The following SPATA6 variants were observed in gnomAD, a reference collection of about 807,000 sequenced individuals.
SPATA6 encodes the protein spermatogenesis associated 6.
Under a neutral mutation model 65.3 loss-of-function variants are expected in SPATA6, and 56 were observed. That is an observed-to-expected ratio of 0.86 (90% CI 0.69 to 1.07). The LOEUF is 1.07. SPATA6 is among the 50% of genes least tolerant of loss of function. The pLI, the probability that SPATA6 is intolerant of heterozygous loss-of-function variation, is 0.00. For synonymous variants in SPATA6, 199 were observed against 213.2 expected (o/e 0.93, Z 0.58); for missense variants, 590 against 594.8 (o/e 0.99, Z 0.08).
chr1:48,314,219 C>A (rs958623423), intron 11 of SPATA6, among the ~76,000 whole-genome samples: 1 of 152,184 alleles, frequency 6.6e-6, no homozygotes, highest in Non-Finnish European at 1.5e-5. Context: ...ACTCTCCACC[C>A]CGAATCAACA....
chr1:48,404,964 A>G (rs1315872888), intron 5 of SPATA6, among the ~76,000 whole-genome samples: 1 of 152,224 alleles, frequency 6.6e-6, no homozygotes, highest in Non-Finnish European at 1.5e-5. Context: ...TTTCATTCTA[A>G]AACAGTAAAA....
chr1:48,438,054 C>A (rs929674325), intron 3 of SPATA6, among the ~76,000 whole-genome samples: 6 of 152,046 alleles, frequency 3.9e-5, no homozygotes, highest in African/African-American at 1.4e-4. Context: ...AAGGTGGCCA[C>A]CCCAGCCAGC....
chr1:48,377,386 GT>G (rs1398961405), intron 9 of SPATA6, among the ~76,000 whole-genome samples: 1 of 152,070 alleles, frequency 6.6e-6, no homozygotes, highest in Admixed American at 6.6e-5. Flanking sequence ...CAATATTTTA[GT>G]TGCTTAGCCA....
chr1:48,429,154 C>A (rs12031408), intron 3 of SPATA6, among the ~76,000 whole-genome samples: 11,768 of 151,746 alleles, frequency 0.078, 630 homozygotes, highest in East Asian at 0.2. Flanking sequence ...AAATCCTGTC[C>A]TCCAAATATT....
rs973105637 is a variant in SPATA6, at chr1:48,295,709, T to C, written c.*3004A>G. On this transcript the variant is annotated 3_prime_UTR_variant, in exon 13 of 13. Transcript: ENST00000371847. ...GTAAAAACCACTTAATTGTATACTT[T>C]TTCAGAGTGAATTATATCTCAATAA... 1 of 152,206 alleles carries C rather than the reference T, an allele frequency of 6.6e-6. No homozygotes were observed. The highest frequency in any genetic ancestry group is 2.4e-5 in the African/African-American group (1 of 41,462). The allele number at this position is 152,206 out of a possible 1,614,324, so 9.4% of individuals were successfully genotyped here.
intron 3 of SPATA6, among the ~76,000 whole-genome samples, chr1:48,444,213 T>C (rs1038254502): frequency 1.3e-5 from 2 of 152,154 alleles, no homozygotes; most frequent in Admixed American, 1.3e-4. Context: ...CAATCAGCGC[T>C]CTATGTATAG....
intron 11 of SPATA6, among the ~76,000 whole-genome samples, chr1:48,316,019 C>G (rs1294662974): frequency 6.6e-6 from 1 of 152,102 alleles, no homozygotes; most frequent in African/African-American, 2.4e-5. Flanking sequence ...CAAACCACTG[C>G]TCAAGGAAAT....
intron 3 of SPATA6, among the ~76,000 whole-genome samples, chr1:48,413,823 C>A (rs1652502017): frequency 6.6e-6 from 1 of 151,974 alleles, no homozygotes; most frequent in African/African-American, 2.4e-5. Context: ...ATATTTTATG[C>A]TATATGTATT....
chr1:48,385,402 T>G, intron 8 of SPATA6, 53 bp from the exon 9 acceptor site: 6 of 1,451,232 alleles, frequency 4.1e-6, no homozygotes, highest in Non-Finnish European at 5.7e-6. Context: ...TCATCTTTGA[T>G]TTTTAATACT....
intron 12 of SPATA6, among the ~76,000 whole-genome samples, chr1:48,299,515 G>A (rs1157982714): frequency 1.6e-3 from 1 of 634 alleles, no homozygotes; most frequent in Non-Finnish European, 0.012. Flanking sequence ...ACTCCGTCTC[G>A]GAAAAAAAAA....
chr1:48,340,953 C>T (rs548712713), intron 11 of SPATA6, among the ~76,000 whole-genome samples: 1 of 152,222 alleles, frequency 6.6e-6, no homozygotes, highest in South Asian at 2.1e-4. Context: ...CAGACAAGAA[C>T]AAAACACTTT....
At chr1:48,271,581 T>C in the SPATA6 span, among the ~76,000 whole-genome samples, 1 of 152,160 alleles carries the variant, frequency 6.6e-6, no homozygotes, top group African/African-American at 2.4e-5. Flanking sequence ...GTGTTTTTTC[T>C]TTCATGCAGT....
intron 11 of SPATA6, among the ~76,000 whole-genome samples, chr1:48,324,914 C>T (rs1237537231): frequency 1.3e-5 from 2 of 152,158 alleles, no homozygotes; most frequent in Non-Finnish European, 2.9e-5. Context: ...ATTATCTTTC[C>T]TTGCAGATGA....
At chr1:48,415,981 T>C (rs1040285508) in intron 3 of SPATA6, among the ~76,000 whole-genome samples, 1 of 152,094 alleles carries the variant, frequency 6.6e-6, no homozygotes, top group African/African-American at 2.4e-5. Context: ...GGAGCGTGGA[T>C]TGCTTGAGCT....
At chr1:48,392,549 A>C (rs923203727) in intron 8 of SPATA6, among the ~76,000 whole-genome samples, 4 of 152,212 alleles carry the variant, frequency 2.6e-5, no homozygotes, top group South Asian at 2.1e-4. Flanking sequence ...GTAGTATGAG[A>C]CTGGTAGAAA....
Position 48,403,824 on chromosome 1 carries a change from C to A in SPATA6, c.464G>T (p.Ser155Ile). ...AACCTGAGTGTGGCATTTCCTTGAA[C>A]TTATCAGACATTCAGTAATCACTGA... ...TTSVITECLI[S>I]SRKCHTQDKF... The change falls in exon 6 of 13, where the codon AGT (serine) becomes ATT (isoleucine). Residue 155 changes from serine (S) to isoleucine (I), a missense_variant. Physicochemically the swap from Ser to Ile is moderately radical, Grantham distance 142. Coordinates refer to ENST00000371847, the MANE Select transcript of SPATA6 (RefSeq NM_019073.4). 6.2e-7 allele frequency: 1 copy of A among 1,609,026 alleles called. No homozygotes were observed. The highest frequency in any genetic ancestry group is 8.5e-7 in the Non-Finnish European group (1 of 1,178,060).
chr1:48,300,785 T>C (rs1644918152), intron 12 of SPATA6, among the ~76,000 whole-genome samples: 2 of 152,134 alleles, frequency 1.3e-5, no homozygotes, highest in South Asian at 4.2e-4. Flanking sequence ...TGATACATAA[T>C]ATCAACAGAA....
At chr1:48,375,177 A>G (rs1265712823) in intron 9 of SPATA6, among the ~76,000 whole-genome samples, 1 of 152,110 alleles carries the variant, frequency 6.6e-6, no homozygotes, top group Admixed American at 6.6e-5. Context: ...ACTGAGTCTC[A>G]GCTCCAATTT....
chr1:48,319,786 C>G (rs977851711), intron 11 of SPATA6, among the ~76,000 whole-genome samples: 6 of 152,166 alleles, frequency 3.9e-5, no homozygotes, highest in Non-Finnish European at 5.9e-5. Context: ...ACTGCTCAAG[C>G]CCAGGTGGAA....
Sources: gnomAD v4.1 joint callset for allele counts (sites outside exome capture counted in the v4.1 genomes callset) on GRCh38, gnomAD v4.1.1 for gene constraint, MANE v1.5 for transcripts, NCBI Gene and HGNC (gene_info 2026-07-23, HGNC 2026-07-21) for gene names.